The following CHIC1 variants were observed in gnomAD, a reference collection of about 807,000 sequenced individuals.
CHIC1 encodes cysteine-rich hydrophobic domain-containing protein 1.
A neutral mutation model predicts 18.5 loss-of-function variants in CHIC1; 7 were observed. The ratio of observed to expected loss-of-function variants is 0.38; its 90% confidence interval spans 0.22 to 0.71. The LOEUF (loss-of-function observed/expected upper bound fraction) is 0.71. Among genes scored for constraint, CHIC1 ranks in the 30% least tolerant of loss-of-function variants. CHIC1 has a pLI of 0.49. For synonymous variants in CHIC1, 77 were observed against 73.5 expected, an observed-to-expected ratio of 1.05 and a Z score of -0.25; for missense variants, 159 against 176.9, an observed-to-expected ratio of 0.90 and a Z score of 0.57.
intron 1 of CHIC1, among the ~76,000 whole-genome samples, chrX:73,576,892 A>G (rs897148694): frequency 6.3e-5 from 7 of 110,794 alleles, no homozygotes; most frequent in African/African-American, 2.3e-4. Flanking sequence ...ATAAGGATTA[A>G]ACTTTGAGTA....
At chrX:73,645,189 A>G (rs1362366491) in intron 3 of CHIC1, among the ~76,000 whole-genome samples, 2 of 112,579 alleles carry the variant, frequency 1.8e-5, no homozygotes, top group Non-Finnish European at 1.9e-5. Context: ...CCTGGCTTTT[A>G]TCACTTAACA....
chrX:73,604,181 A>T (rs1367326847), intron 3 of CHIC1, among the ~76,000 whole-genome samples: 1 of 103,977 alleles, frequency 9.6e-6, no homozygotes, highest in African/African-American at 3.8e-5. Flanking sequence ...TGAATTTCTG[A>T]ACCTGTTACT....
intron 3 of CHIC1, among the ~76,000 whole-genome samples, chrX:73,660,026 G>A (rs1043463795): frequency 3.6e-5 from 4 of 111,901 alleles, no homozygotes; most frequent in African/African-American, 6.5e-5. Flanking sequence ...TGGAGGCTAC[G>A]GGCTTGTCCC....
intron 3 of CHIC1, among the ~76,000 whole-genome samples, chrX:73,667,139 A>G (rs2058008024): frequency 8.9e-6 from 1 of 111,805 alleles, no homozygotes; most frequent in Non-Finnish European, 1.9e-5. Flanking sequence ...TTGTTGGTTT[A>G]AAATCTGTTT....
intron 3 of CHIC1, among the ~76,000 whole-genome samples, chrX:73,638,353 A>G (rs57010277): frequency 0.048 from 5,286 of 111,021 alleles, 321 homozygotes; most frequent in African/African-American, 0.16. Context: ...CAGACAGGTT[A>G]GAACATTGGA....
At position 73,655,460 on chromosome X, in the gene CHIC1, GTGTA is replaced by G. The variant is rs201955668; in HGVS notation, c.508-23864_508-23861del. On this transcript the variant is annotated intron_variant, in intron 3 of 5. Transcript: ENST00000373502. ...TATATATACATATATACACAATATT[GTGTA>G]TATATATATACATATATACACAATA... 8.1e-3 allele frequency among the ~76,000 whole-genome samples: 324 copies of G among 39,788 alleles called. 6 individuals carry two copies. The highest frequency in any genetic ancestry group is 0.029 in the Admixed American group (88 of 3,010). The allele number at this position is 39,788 out of a possible 115,157, so 34.6% of individuals were successfully genotyped here. A position where few individuals can be genotyped will look rare whatever the true frequency, so the allele number is the denominator to read the frequency against.
chrX:73,633,023 T>C (rs1008790732), intron 3 of CHIC1, among the ~76,000 whole-genome samples: 5 of 110,870 alleles, frequency 4.5e-5, no homozygotes, highest in Non-Finnish European at 9.4e-5. Context: ...AGCCTCAGCC[T>C]CCCAAAGTGC....
chrX:73,651,377 A>G (rs950375995), intron 3 of CHIC1, among the ~76,000 whole-genome samples: 7 of 110,566 alleles, frequency 6.3e-5, no homozygotes, highest in African/African-American at 9.9e-5. Flanking sequence ...AGTTCTGGCC[A>G]GGGCAATCAG....
Position 73,612,517 on chromosome X carries a change from A to T in CHIC1, c.507+27945A>T, listed in dbSNP as rs184612351. ...TTTGGTATGTTGTGTTTCAGTTTTC[A>T]TTTGTTTCAAGCAATGTTTTTATTT... On this transcript the variant is annotated intron_variant, in intron 3 of 5. Transcript: ENST00000373502. 2.7e-5 allele frequency among the ~76,000 whole-genome samples: 3 copies of T among 111,212 alleles called. No homozygotes were observed. In the Admixed American group the frequency reaches 2.9e-4, roughly 11 times the overall value.
Position 73,604,895 on chromosome X carries a change from T to C in CHIC1, c.507+20323T>C, listed in dbSNP as rs1184325601. On this transcript the variant is annotated intron_variant, in intron 3 of 5. Coordinates refer to ENST00000373502, the MANE Select transcript of CHIC1 (RefSeq NM_001039840.4). ...TGGTTTGTTTTGATTTCTGTTCTTTTGCAGAGGAATGTTTTACTTCCAATT... is the reference window on the plus strand; with the variant it reads ...TGGTTTGTTTTGATTTCTGTTCTTTCGCAGAGGAATGTTTTACTTCCAATT... Among the ~76,000 whole-genome samples the C allele has an allele frequency of 1.8e-5, 2 of 109,313 alleles. 1 individual carries two copies. The highest frequency in any genetic ancestry group is 7.1e-5 in the African/African-American group (2 of 28,174). The allele number at this position is 109,313 out of a possible 115,157, so 94.9% of individuals were successfully genotyped here. A position where few individuals can be genotyped will look rare whatever the true frequency, so the allele number is the denominator to read the frequency against.
At chrX:73,632,769 T>TTC (rs1204097866) in intron 3 of CHIC1, among the ~76,000 whole-genome samples, 51 of 92,721 alleles carry the variant, frequency 5.5e-4, no homozygotes, top group Non-Finnish European at 8.0e-4. Context: ...TATTCTTTTT[T>TTC]TTTTTTTTTT....
chrX:73,611,716 C>T (rs2057709547), intron 3 of CHIC1, among the ~76,000 whole-genome samples: 1 of 108,434 alleles, frequency 9.2e-6, no homozygotes, highest in African/African-American at 3.6e-5. Context: ...GCCATTCTAA[C>T]TTGTGTGAGA....
intron 3 of CHIC1, among the ~76,000 whole-genome samples, chrX:73,632,408 C>T (rs183140311): frequency 8.9e-5 from 10 of 111,754 alleles, no homozygotes; most frequent in African/African-American, 3.2e-4. Flanking sequence ...TTCAGCAACT[C>T]TATTTTTCTA....
At chrX:73,610,874 A>G (rs940793721) in intron 3 of CHIC1, among the ~76,000 whole-genome samples, 1 of 107,354 alleles carries the variant, frequency 9.3e-6, no homozygotes, top group African/African-American at 3.6e-5. Flanking sequence ...TTGGTTGTTC[A>G]TAATAGTGTC....
chrX:73,611,256 G>C (rs1410966820), intron 3 of CHIC1, among the ~76,000 whole-genome samples: 1 of 107,967 alleles, frequency 9.3e-6, no homozygotes, highest in Non-Finnish European at 1.9e-5. Flanking sequence ...ACCCATGAGT[G>C]AGAACATGCG....
chrX:73,573,549 G>A (rs922122787), intron 1 of CHIC1, among the ~76,000 whole-genome samples: 10 of 110,849 alleles, frequency 9.0e-5, no homozygotes, highest in East Asian at 2.8e-4. Flanking sequence ...CTTCCAATCC[G>A]TAAGCGTGAA....
intron 3 of CHIC1, among the ~76,000 whole-genome samples, chrX:73,610,330 C>T (rs1482402354): frequency 2.8e-5 from 3 of 108,896 alleles, no homozygotes; most frequent in Admixed American, 9.6e-5. Flanking sequence ...GGAGGTTCCC[C>T]GGCTCCATGC....
chrX:73,634,769 T>C (rs1009160839), intron 3 of CHIC1, among the ~76,000 whole-genome samples: 3 of 111,631 alleles, frequency 2.7e-5, no homozygotes, highest in Non-Finnish European at 5.6e-5. Flanking sequence ...GAGATAGATA[T>C]GGCCTCCTGG....
chrX:73,594,835 T>G (rs1297378776), intron 3 of CHIC1, among the ~76,000 whole-genome samples: 1 of 112,293 alleles, frequency 8.9e-6, no homozygotes, highest in Non-Finnish European at 1.9e-5. Context: ...AGATACCTCA[T>G]GTAAGTGAAA....
Sources: gnomAD v4.1 joint callset for allele counts (sites outside exome capture counted in the v4.1 genomes callset) on GRCh38, gnomAD v4.1.1 for gene constraint, MANE v1.5 for transcripts, NCBI Gene and HGNC (gene_info 2026-07-23, HGNC 2026-07-21) for gene names.